ENG: variants seen among roughly 807,000 people sequenced by gnomAD.
ENG encodes endoglin, also known as CD105 antigen.
ENG carries 17 observed loss-of-function variants against 71.0 expected under a neutral mutation model. The observed-to-expected ratio is 0.24, with a 90% CI of 0.16 to 0.36. ENG has a LOEUF of 0.36. Ranked by LOEUF, ENG falls within the 10% of genes least tolerant of loss-of-function variation. The probability of loss-of-function intolerance (pLI) is 1.00; values close to 1 mark genes in which losing one functional copy is unlikely to be tolerated. For synonymous variants in ENG, 360 were observed against 366.9 expected (o/e 0.98, Z 0.21); for missense variants, 749 against 868.3 (o/e 0.86, Z 1.73).
At chr9:127,841,335 C>T (rs1176061638) in intron 2 of ENG, 2 of 152,330 alleles carry the variant, frequency 1.3e-5, no homozygotes, top group African/African-American at 4.8e-5. Context: ...TAGACCTAGA[C>T]ACCTGCCTAG....
intron 3 of ENG, chr9:127,826,936 A>C: frequency 2.0e-6 from 1 of 500,352 alleles, no homozygotes. Context: ...ACCCCTCCAG[A>C]GCTGTTCTCA....
intron 1 of ENG, among the ~76,000 whole-genome samples, chr9:127,845,034 G>C (rs1831137047): frequency 6.6e-6 from 1 of 152,224 alleles, no homozygotes; most frequent in South Asian, 2.1e-4. Context: ...AGGAAATGAG[G>C]CTCCTACACC....
At chr9:127,839,984 A>T (rs2131912517) in intron 2 of ENG, among the ~76,000 whole-genome samples, 1 of 152,366 alleles carries the variant, frequency 6.6e-6, no homozygotes, top group Non-Finnish European at 1.5e-5. Context: ...ACCCAGAGAG[A>T]AATAATAATA....
chr9:127,843,732 C>CACACATAT (rs1554812389), intron 1 of ENG, among the ~76,000 whole-genome samples: 18 of 12,754 alleles, frequency 1.4e-3, no homozygotes, highest in African/African-American at 4.4e-3. Context: ...CACACATCCA[C>CACACATAT]ATACATATAT....
At chr9:127,853,811 C>T (rs1829087191) in intron 1 of ENG, among the ~76,000 whole-genome samples, 10 of 152,238 alleles carry the variant, frequency 6.6e-5, no homozygotes, top group Admixed American at 6.5e-4. Flanking sequence ...CTGTTCTCTT[C>T]CCCACTTCGC....
chr9:127,829,038 ACCT>A (rs951340411), intron 3 of ENG, among the ~76,000 whole-genome samples: 5 of 151,352 alleles, frequency 3.3e-5, no homozygotes, highest in African/African-American at 1.2e-4. Context: ...CAGCTCCCTG[ACCT>A]CCTCTCTCTG....
chr9:127,825,683 C>A lies in ENG; in HGVS notation c.689+12G>T. The stretch of plus-strand genomic sequence containing the variant: ...GTGGGGACTAGTGTCAGGGGCGGGG[C>A]GAGAGCCATACCCGGCCGAGTGGCC... On this transcript the variant is annotated intron_variant, in intron 5 of 14. Coordinates refer to ENST00000373203, the MANE Select transcript of ENG (RefSeq NM_001114753.3). 1 of 1,552,730 alleles carries A rather than the reference C, an allele frequency of 6.4e-7. No homozygotes were observed. The highest frequency in any genetic ancestry group is 1.2e-5 in the South Asian group (1 of 83,550).
intron 2 of ENG, 37 bp from the exon 3 acceptor site, chr9:127,829,864 C>T (rs745523908): frequency 5.0e-6 from 8 of 1,612,936 alleles, no homozygotes; most frequent in Non-Finnish European, 6.8e-6. Flanking sequence ...ACAGTCCAGT[C>T]AGATTTGTAT....
chr9:127,837,149 C>T (rs954725668), intron 2 of ENG, among the ~76,000 whole-genome samples: 1 of 152,138 alleles, frequency 6.6e-6, no homozygotes, highest in Non-Finnish European at 1.5e-5. Flanking sequence ...GAGAGCCATC[C>T]ACAGTTTAGG....
In ENG at chr9:127,846,503, G is replaced by A. The variant is rs1418762282; in HGVS notation, c.68-3258C>T. ...ACTTCCAGGAACCCCAGTTCCTCCC[G>A]GATTGCTGGGGCCGCCTGGGGCCGC... On this transcript the variant is annotated intron_variant, in intron 1 of 14. Transcript: ENST00000373203. This position sits in a 1 kb window ranked among gnomAD's most constrained non-coding sequence, Gnocchi z 5.5. 6.6e-6 allele frequency among the ~76,000 whole-genome samples: 1 copy of A among 152,290 alleles called. No homozygotes were observed. Among genetic ancestry groups the A allele is most frequent in the South Asian group, 2.1e-4 (1 of 4,816 alleles).
chr9:127,839,790 A>G (rs563827657), intron 2 of ENG, among the ~76,000 whole-genome samples: 1 of 152,228 alleles, frequency 6.6e-6, no homozygotes, highest in East Asian at 1.9e-4. Context: ...TCCTGACCTC[A>G]AGTGATCTGC....
chr9:127,828,019 CAAAAAAAAAAAAAAA>C (rs997493323), intron 3 of ENG, among the ~76,000 whole-genome samples: 1 of 31,208 alleles, frequency 3.2e-5, no homozygotes, highest in Non-Finnish European at 6.1e-5. Context: ...AACTCCATCT[CAAAAAAAAAAAAAAA>C]AAAAAAAAAA....
chr9:127,819,796 C>G, intron 9 of ENG, 104 bp downstream of exon 9: 1 of 1,608,970 alleles, frequency 6.2e-7, no homozygotes, highest in Admixed American at 1.7e-5. Flanking sequence ...TGAGCCCCTG[C>G]AGCCTGCTCT....
At chr9:127,820,685 C>G (rs1337625594) in intron 8 of ENG, among the ~76,000 whole-genome samples, 1 of 151,142 alleles carries the variant, frequency 6.6e-6, no homozygotes, top group Admixed American at 6.6e-5. Flanking sequence ...AAAAATTAGC[C>G]GGGCGTGGTG....
intron 10 of ENG, 129 bp downstream of exon 10, chr9:127,819,493 C>A: frequency 7.9e-7 from 1 of 1,267,400 alleles, no homozygotes; most frequent in Non-Finnish European, 1.1e-6. Context: ...AAGGGGAGAC[C>A]GAGGCATTCC....
At chr9:127,821,781 G>T (rs1352431747) in intron 8 of ENG, among the ~76,000 whole-genome samples, 1 of 151,782 alleles carries the variant, frequency 6.6e-6, no homozygotes, top group Non-Finnish European at 1.5e-5. Flanking sequence ...TACTCGGGAG[G>T]CTGAGGCAGG....
intron 2 of ENG, among the ~76,000 whole-genome samples, chr9:127,834,765 T>C (rs1830856841): frequency 6.6e-6 from 1 of 151,442 alleles, no homozygotes; most frequent in Non-Finnish European, 1.5e-5. Context: ...TCTTAATCTC[T>C]TGACCTGTGA....
At chr9:127,830,029 C>T (rs1402494679) in intron 2 of ENG, among the ~76,000 whole-genome samples, 2 of 152,000 alleles carry the variant, frequency 1.3e-5, no homozygotes, top group African/African-American at 2.4e-5. Flanking sequence ...AGGAGGTAAG[C>T]CCGGCAAATC....
At chr9:127,845,287 C>T (rs566473749) in intron 1 of ENG, among the ~76,000 whole-genome samples, 1 of 152,352 alleles carries the variant, frequency 6.6e-6, no homozygotes, top group African/African-American at 2.4e-5. Context: ...TCCTCACCTT[C>T]CCACAGCACG....
Sources: gnomAD v4.1 joint callset for allele counts (sites outside exome capture counted in the v4.1 genomes callset) on GRCh38, gnomAD v4.1.1 for gene constraint, Gnocchi (gnomAD v3.1) non-coding constraint, MANE v1.5 for transcripts, NCBI Gene and HGNC (gene_info 2026-07-23, HGNC 2026-07-21) for gene names.